Variants in PCDHA2 observed in about 807,000 individuals in gnomAD.
PCDHA2 encodes the protein protocadherin alpha-2.
In PCDHA2, 58 loss-of-function variants were observed where a neutral mutation model predicts 66.0. The observed-to-expected ratio is 0.88, with a 90% CI of 0.71 to 1.09. PCDHA2 has a LOEUF of 1.09. PCDHA2 is among the 50% of genes least tolerant of loss of function. PCDHA2 has a pLI of 0.00. For missense variants in PCDHA2, 1,267 were observed against 1,242.3 expected (o/e 1.02, Z -0.30); for synonymous variants, 634 against 554.0 (o/e 1.14, Z -2.03).
chr5:140,822,361 A>G, intron 1 of PCDHA2: 2 of 1,614,164 alleles, frequency 1.2e-6, no homozygotes, highest in Non-Finnish European at 1.7e-6. Flanking sequence ...GCTGGTTTTG[A>G]GGAAATCCTT....
At chr5:140,859,226 A>G (rs190980812) in intron 1 of PCDHA2, 1 of 149,940 alleles carries the variant, frequency 6.7e-6, no homozygotes, top group East Asian at 1.9e-4. Flanking sequence ...ACTTTAAGGA[A>G]GGAGTCATGC....
Position 140,871,175 on chromosome 5 carries a change from C to T in PCDHA2, c.2388+73823C>T, listed in dbSNP as rs782460096. ...GCGGGCGCCGCGAGCCCAGAGGCTG[C>T]GCTGGTGGATGTCAACGTGTACCTG... is the stretch of plus-strand genomic sequence containing the variant. On this transcript the variant is annotated intron_variant, in intron 1 of 3. Transcript: ENST00000526136. 8 of 1,613,402 alleles carry T rather than the reference C, an allele frequency of 5.0e-6. No individual in the cohort carries two copies. In the African/African-American group the frequency reaches 5.3e-5, roughly 11 times the overall value.
At position 140,997,696 on chromosome 5, in the gene PCDHA2, GTA is replaced by G. The variant is rs1328869274; in HGVS notation, c.2537-11929_2537-11928del. On this transcript the variant is annotated intron_variant, in intron 3 of 3. Transcript: ENST00000526136. ...TGTGTGTGTGTGTGTGTGTGTGTGT[GTA>G]TGTTAACAAACACCTTTCTACGTCA... Among the ~76,000 whole-genome samples, 208 of 148,602 alleles carry G rather than the reference GTA, an allele frequency of 1.4e-3. 1 individual carries two copies. Among genetic ancestry groups the G allele is most frequent in the African/African-American group, 4.8e-3 (197 of 40,710 alleles).
chr5:140,828,407 C>G, intron 1 of PCDHA2: 2 of 1,614,262 alleles, frequency 1.2e-6, no homozygotes, highest in Non-Finnish European at 1.7e-6. Flanking sequence ...CAGCATCCAC[C>G]TGGAGGTGAT....
intron 1 of PCDHA2, among the ~76,000 whole-genome samples, chr5:140,908,023 A>G (rs797031285): frequency 5.9e-5 from 9 of 152,314 alleles, no homozygotes; most frequent in Admixed American, 2.6e-4. Context: ...GCTACAGCCC[A>G]TTAATCAGTA....
At chr5:140,877,653 C>A in intron 1 of PCDHA2, 1 of 1,613,522 alleles carries the variant, frequency 6.2e-7, no homozygotes, top group Non-Finnish European at 8.5e-7. Flanking sequence ...CAGCGCCGCC[C>A]ACCGTGAGCC....
intron 3 of PCDHA2, among the ~76,000 whole-genome samples, chr5:141,000,361 G>GTCTCTC (rs148596731): frequency 3.0e-3 from 79 of 26,442 alleles, no homozygotes; most frequent in East Asian, 6.3e-3. Flanking sequence ...GTCTCTCTCT[G>GTCTCTC]TCTCTCTCTC....
chr5:140,943,450 T>C (rs2093496924), intron 1 of PCDHA2, among the ~76,000 whole-genome samples: 1 of 152,012 alleles, frequency 6.6e-6, no homozygotes, highest in Non-Finnish European at 1.5e-5. Context: ...ATAGAATTGA[T>C]AAGGCTAAAT....
chr5:140,847,597 C>G (rs1439547927), intron 1 of PCDHA2: 1 of 149,348 alleles, frequency 6.7e-6, no homozygotes, highest in African/African-American at 2.5e-5. Context: ...GAAATTAAAA[C>G]ATATTGTAAT....
At chr5:140,909,995 A>G (rs1315885700) in intron 1 of PCDHA2, among the ~76,000 whole-genome samples, 2 of 152,178 alleles carry the variant, frequency 1.3e-5, no homozygotes, top group African/African-American at 4.8e-5. Flanking sequence ...AACAGCATAA[A>G]TTGTTGTCAG....
chr5:140,997,668 TTG>T (rs35184029), intron 3 of PCDHA2, among the ~76,000 whole-genome samples: 38,693 of 147,760 alleles, frequency 0.26, 5,114 homozygotes, highest in Middle Eastern at 0.39. Flanking sequence ...ATTATACAGC[TTG>T]TGTGTGTGTG....
At position 141,010,070 on chromosome 5, in the gene PCDHA2, C is replaced by A. The variant is rs1331011642; in HGVS notation, c.*133C>A. The A allele has an allele frequency of 3.7e-5, 60 of 1,605,422 alleles. No individual in the cohort carries two copies. Among genetic ancestry groups the A allele is most frequent in the Non-Finnish European group, 5.0e-5 (59 of 1,175,768 alleles). ...AGACCTCAGAAATCTGCAGAAAGTT[C>A]CCTGTGTCTGTCTAGAACGCATTTA... is the stretch of plus-strand genomic sequence containing the variant. On this transcript the variant is annotated 3_prime_UTR_variant, in exon 4 of 4. Coordinates refer to ENST00000526136, the MANE Select transcript of PCDHA2 (RefSeq NM_018905.3).
At chr5:140,818,343 G>T (rs1554127448) in intron 1 of PCDHA2, among the ~76,000 whole-genome samples, 1 of 152,136 alleles carries the variant, frequency 6.6e-6, no homozygotes, top group Non-Finnish European at 1.5e-5. Context: ...CTAGGCCACT[G>T]TCAAAGTCAT....
In PCDHA2 at chr5:140,804,949, C is replaced by T. The variant is rs571726219; in HGVS notation, c.2388+7597C>T. ...GCACTATCCTTTGTTGCTCCCTTGT[C>T]CATGAAGTAGTAGCCATAGTGTGTC... On this transcript the variant is annotated intron_variant, in intron 1 of 3. Transcript: ENST00000526136. 5.4e-6 allele frequency: 7 copies of T among 1,297,142 alleles called. No individual in the cohort carries two copies. The Admixed American group carries it at 8.9e-5, about 16-fold the overall frequency. 80.4% of individuals were successfully genotyped at this position (1,297,142 alleles called of 1,614,324 possible).
intron 1 of PCDHA2, among the ~76,000 whole-genome samples, chr5:140,910,901 C>T (rs1433262630): frequency 6.6e-6 from 1 of 152,142 alleles, no homozygotes; most frequent in African/African-American, 2.4e-5. Context: ...CTATGCCTGT[C>T]CTCCAGATTT....
At chr5:140,959,688 T>G (rs1000595466) in intron 1 of PCDHA2, among the ~76,000 whole-genome samples, 20 of 152,318 alleles carry the variant, frequency 1.3e-4, no homozygotes, top group African/African-American at 4.8e-4. Flanking sequence ...ATAATTTCAA[T>G]AAAATGAGCT....
At chr5:140,880,297 AG>A (rs1554171244) in intron 1 of PCDHA2, among the ~76,000 whole-genome samples, 1 of 152,250 alleles carries the variant, frequency 6.6e-6, no homozygotes, top group Admixed American at 6.5e-5. Context: ...TCATAGTGTG[AG>A]TGAAAGAAAC....
chr5:140,842,695 C>T, intron 1 of PCDHA2: 1 of 1,595,194 alleles, frequency 6.3e-7, no homozygotes, highest in Non-Finnish European at 8.6e-7. Context: ...TCGCGCAGCC[C>T]GAGTACACGG....
chr5:140,829,124 G>A, intron 1 of PCDHA2: 1 of 1,612,404 alleles, frequency 6.2e-7, no homozygotes, highest in Non-Finnish European at 8.5e-7. Context: ...GGATAAAAAT[G>A]ATAACGTCCC....
Sources: gnomAD v4.1 joint callset for allele counts (sites outside exome capture counted in the v4.1 genomes callset) on GRCh38, gnomAD v4.1.1 for gene constraint, MANE v1.5 for transcripts, NCBI Gene and HGNC (gene_info 2026-07-23, HGNC 2026-07-21) for gene names.